Variants in RELN observed in about 807,000 individuals in gnomAD.
RELN encodes the protein reelin.
RELN carries 108 observed loss-of-function variants against 427.6 expected under a neutral mutation model. That is an observed-to-expected ratio of 0.25 (90% CI 0.22 to 0.30). The LOEUF is 0.30. RELN is among the 10% of genes least tolerant of loss of function. RELN has a pLI of 1.00. For missense variants in RELN, 3,715 were observed against 4,302.8 expected, an observed-to-expected ratio of 0.86 and a Z score of 3.82; for synonymous variants, 1,524 against 1,513.4, an observed-to-expected ratio of 1.01 and a Z score of -0.16.
intron 2 of RELN, among the ~76,000 whole-genome samples, chr7:103,904,975 C>CTTTT (rs67024941): frequency 2.2e-4 from 17 of 77,356 alleles, no homozygotes; most frequent in East Asian, 4.5e-4. Flanking sequence ...AAGTTCTTTC[C>CTTTT]TTTTTTTTTT....
chr7:103,719,675 G>A (rs1400336069), intron 8 of RELN, among the ~76,000 whole-genome samples: 5 of 152,090 alleles, frequency 3.3e-5, no homozygotes, highest in East Asian at 3.9e-4. Context: ...AGTAGAGTTC[G>A]GAGGCATCTG....
intron 3 of RELN, among the ~76,000 whole-genome samples, chr7:103,789,835 A>G (rs188753097): frequency 8.8e-4 from 134 of 152,364 alleles, no homozygotes; most frequent in South Asian, 1.7e-3. Flanking sequence ...ATTACTGGGT[A>G]TATACCCAAA....
At chr7:103,895,018 T>A (rs1331831522) in intron 2 of RELN, among the ~76,000 whole-genome samples, 2 of 152,148 alleles carry the variant, frequency 1.3e-5, no homozygotes, top group African/African-American at 2.4e-5. Context: ...GAGAACTTCA[T>A]CTGTAAACTT....
Position 103,741,155 on chromosome 7 carries a change from T to C in RELN, c.656+8271A>G, listed in dbSNP as rs574735517. ...ACATGTAGCAAGAAAATAGAAGCTT[T>C]GGGAGAGTTAAAACTGCTTATCAGT... On this transcript the variant is annotated intron_variant, in intron 6 of 64. Transcript: ENST00000428762. Among the ~76,000 whole-genome samples the C allele has an allele frequency of 3.2e-3, 487 of 152,318 alleles. 2 individuals carry two copies. Among genetic ancestry groups the C allele is most frequent in the Middle Eastern group, 0.01 (3 of 294 alleles).
At chr7:103,966,826 A>T (rs1209061435) in intron 1 of RELN, among the ~76,000 whole-genome samples, 1 of 152,232 alleles carries the variant, frequency 6.6e-6, no homozygotes, top group East Asian at 1.9e-4. Flanking sequence ...GGAAAATTAT[A>T]CACTGAATAA....
At chr7:103,651,464 T>C (rs915708262) in intron 15 of RELN, among the ~76,000 whole-genome samples, 197 bp downstream of exon 15, 1 of 152,086 alleles carries the variant, frequency 6.6e-6, no homozygotes, top group Admixed American at 6.6e-5. Flanking sequence ...TGAATGGCCT[T>C]ACAAATGTTC....
chr7:103,810,901 C>T (rs1403287701), intron 3 of RELN, among the ~76,000 whole-genome samples: 1 of 152,114 alleles, frequency 6.6e-6, no homozygotes, highest in Non-Finnish European at 1.5e-5. Context: ...ACTTTCCTTG[C>T]TGCATATTAA....
At chr7:103,789,016 A>G (rs935689069) in intron 3 of RELN, among the ~76,000 whole-genome samples, 7 of 152,194 alleles carry the variant, frequency 4.6e-5, no homozygotes, top group Middle Eastern at 3.2e-3. Flanking sequence ...AACAGAACAG[A>G]GGCCTCAGAA....
intron 2 of RELN, among the ~76,000 whole-genome samples, chr7:103,836,819 A>C (rs373278482): frequency 6.6e-6 from 1 of 152,110 alleles, no homozygotes; most frequent in Non-Finnish European, 1.5e-5. Context: ...CCAACACAGC[A>C]CTTAGCCCAA....
At chr7:103,662,625 C>CA (rs747230376) in intron 11 of RELN, among the ~76,000 whole-genome samples, 28,073 of 77,396 alleles carry the variant, frequency 0.36, 4,124 homozygotes, top group South Asian at 0.44. Flanking sequence ...GACTCCGTCA[C>CA]AAAAAAAAAA....
intron 11 of RELN, 50 bp from the exon 12 acceptor site, chr7:103,661,577 C>A (rs1275677078): frequency 1.9e-6 from 3 of 1,539,714 alleles, no homozygotes; most frequent in Non-Finnish European, 1.8e-6. Flanking sequence ...TAAGCCAAAT[C>A]TTTATAAAGA....
intron 20 of RELN, chr7:103,628,428 C>T (rs1460744056): frequency 6.6e-6 from 1 of 152,210 alleles, no homozygotes; most frequent in Non-Finnish European, 1.5e-5. Context: ...GCAATATAAC[C>T]TTCCCTACTT....
rs142501370 is a variant in RELN at position 103,500,090 on chromosome 7, T to C, written c.8667+655A>G. ...ATTTCAATCACTAGGAATTTTGCTT[T>C]TTTTAGCCTAGTCATTTTTCTGTTA... On this transcript the variant is annotated intron_variant, in intron 53 of 64. Transcript: ENST00000428762. Among the ~76,000 whole-genome samples the C allele has an allele frequency of 2.3e-3, 345 of 152,338 alleles. 2 individuals are homozygous for C. The highest frequency in any genetic ancestry group is 7.9e-3 in the African/African-American group (328 of 41,586).
chr7:103,652,829 T>C (rs1187769300), intron 13 of RELN, 70 bp from the exon 14 acceptor site: 1 of 1,408,444 alleles, frequency 7.1e-7, no homozygotes, highest in Non-Finnish European at 1.0e-6. Context: ...TCTCCTAGAT[T>C]TGACCTAATG....
intron 43 of RELN, 71 bp from the exon 44 acceptor site, chr7:103,540,526 A>G: frequency 6.8e-7 from 1 of 1,471,950 alleles, no homozygotes; most frequent in Admixed American, 1.7e-5. Flanking sequence ...ACAGACAAGC[A>G]CATGGGGTAA....
chr7:103,784,976 A>G (rs765582735), intron 3 of RELN, among the ~76,000 whole-genome samples: 10 of 152,210 alleles, frequency 6.6e-5, no homozygotes, highest in African/African-American at 1.4e-4. Flanking sequence ...AAGCTACTGC[A>G]TAAGAAACAC....
chr7:103,802,576 C>A (rs1260356028), intron 3 of RELN, among the ~76,000 whole-genome samples: 1 of 151,892 alleles, frequency 6.6e-6, no homozygotes, highest in Non-Finnish European at 1.5e-5. Context: ...TTCAAGATAC[C>A]CAAATGTGAA....
At position 103,596,509 on chromosome 7, in the gene RELN, G is replaced by GC. The variant is rs1831540545; in HGVS notation, c.3485dup (p.Ile1163HisfsTer48). ...TCTCTGCTAGCAGGTGCCACTGGATGCCCCCATTGTTGCTGTACTGAAGGA... is the reference window on the plus strand; with the variant it reads ...TCTCTGCTAGCAGGTGCCACTGGATGCCCCCCATTGTTGCTGTACTGAAGGA... On this transcript the variant is annotated frameshift_variant, in exon 25 of 65. Coordinates refer to ENST00000428762, the MANE Select transcript of RELN (RefSeq NM_005045.4). LOFTEE classifies it high-confidence loss of function. 1 of 1,613,988 alleles carries GC rather than the reference G, an allele frequency of 6.2e-7. No individual in the cohort carries two copies. The highest frequency in any genetic ancestry group is 8.5e-7 in the Non-Finnish European group (1 of 1,179,930).
At chr7:103,567,751 C>A (rs532899800) in intron 31 of RELN, among the ~76,000 whole-genome samples, 1 of 150,200 alleles carries the variant, frequency 6.7e-6, no homozygotes, top group Admixed American at 6.7e-5. Flanking sequence ...AGATATTACG[C>A]TCAGTAAAGT....
Sources: allele counts gnomAD v4.1 joint callset (sites outside exome capture counted in the v4.1 genomes callset), GRCh38; gene constraint gnomAD v4.1.1; transcripts MANE v1.5; gene names NCBI Gene and HGNC (gene_info 2026-07-23, HGNC 2026-07-21).